The following MPP7 variants were observed in gnomAD, a reference collection of about 807,000 sequenced individuals.
MPP7 encodes MAGUK p55 scaffold protein 7, also known as MAGUK p55 subfamily member 7.
In MPP7, 60 loss-of-function variants were observed where a neutral mutation model predicts 76.5. The observed-to-expected ratio is 0.78, with a 90% CI of 0.64 to 0.97. The LOEUF is 0.97. Ranked by LOEUF, MPP7 falls within the 50% of genes least tolerant of loss-of-function variation. The probability of loss-of-function intolerance (pLI) is 0.00; values close to 1 mark genes in which losing one functional copy is unlikely to be tolerated. For synonymous variants in MPP7, 237 were observed against 244.5 expected (o/e 0.97, Z 0.29); for missense variants, 641 against 694.0 (o/e 0.92, Z 0.86).
At chr10:28,092,754 T>TTTTTTTC (rs1853377579) in intron 11 of MPP7, among the ~76,000 whole-genome samples, 2 of 147,868 alleles carry the variant, frequency 1.4e-5, no homozygotes, top group Non-Finnish European at 3.0e-5. Flanking sequence ...TTTTTTTTTT[T>TTTTTTTC]TTTTTTGAAG....
In MPP7 at chr10:28,259,031, G is replaced by A. The variant is rs576771192; in HGVS notation, c.-131-20296C>T. On this transcript the variant is annotated intron_variant, in intron 1 of 16. Transcript: ENST00000683449. ...AGGCTCAGGACTCAAACTTACAGGTGAAACTGCACCTCTAATGTAGACAGC... is the reference window on the plus strand; with the variant it reads ...AGGCTCAGGACTCAAACTTACAGGTAAAACTGCACCTCTAATGTAGACAGC... 3.3e-5 allele frequency among the ~76,000 whole-genome samples: 5 copies of A among 152,222 alleles called. 1 individual carries two copies. Among genetic ancestry groups the A allele is most frequent in the African/African-American group, 1.2e-4 (5 of 41,540 alleles).
chr10:28,155,420 A>G (rs964713655), intron 3 of MPP7, among the ~76,000 whole-genome samples: 1 of 151,858 alleles, frequency 6.6e-6, no homozygotes, highest in Non-Finnish European at 1.5e-5. Flanking sequence ...TGAAACCCCA[A>G]CTCTACAAAA....
intron 11 of MPP7, among the ~76,000 whole-genome samples, chr10:28,100,696 C>A (rs1208926551): frequency 6.6e-6 from 1 of 152,134 alleles, no homozygotes; most frequent in Non-Finnish European, 1.5e-5. Flanking sequence ...ATGCCATAAA[C>A]ACCCTTGAGT....
chr10:28,226,870 G>A (rs17831816), intron 2 of MPP7, among the ~76,000 whole-genome samples: 15,804 of 152,082 alleles, frequency 0.1, 1,284 homozygotes, highest in East Asian at 0.41. Context: ...AAGATTACTG[G>A]TAAAATTCCT....
intron 1 of MPP7, chr10:28,280,199 A>T (rs1289817229): frequency 1.3e-5 from 2 of 152,084 alleles, no homozygotes; most frequent in Admixed American, 1.3e-4. Context: ...TTGTTTTAGG[A>T]ACAATACGAT....
intron 11 of MPP7, among the ~76,000 whole-genome samples, chr10:28,091,034 C>A (rs139610675): frequency 6.6e-6 from 1 of 151,978 alleles, no homozygotes; most frequent in African/African-American, 2.4e-5. Flanking sequence ...GTAATCTCAG[C>A]TACTCGGGAG....
At chr10:28,271,916 A>C (rs1840338444) in intron 1 of MPP7, among the ~76,000 whole-genome samples, 1 of 152,182 alleles carries the variant, frequency 6.6e-6, no homozygotes, top group African/African-American at 2.4e-5. Flanking sequence ...CAGAGGTTGC[A>C]GTGAGCCGAG....
chr10:28,195,347 A>G (rs1406343401), intron 3 of MPP7, among the ~76,000 whole-genome samples: 3 of 152,204 alleles, frequency 2.0e-5, no homozygotes, highest in Admixed American at 2.0e-4. Flanking sequence ...GTCTTCATAA[A>G]AACTTAGAGC....
At chr10:28,192,339 T>C (rs1023621788) in intron 3 of MPP7, among the ~76,000 whole-genome samples, 2 of 152,134 alleles carry the variant, frequency 1.3e-5, no homozygotes, top group Non-Finnish European at 2.9e-5. Context: ...AACAAAACTG[T>C]CTTTGTTTAC....
chr10:28,053,877 C>T lies in MPP7; in HGVS notation c.*188G>A, dbSNP rs529344844. 16 of 605,840 alleles carry T rather than the reference C, an allele frequency of 2.6e-5. No homozygotes were observed. Among genetic ancestry groups the T allele is most frequent in the Admixed American group, 1.2e-4 (4 of 32,986 alleles). The allele number at this position is 605,840 out of a possible 1,614,324, so 37.5% of individuals were successfully genotyped here. A position where few individuals can be genotyped will look rare whatever the true frequency, so the allele number is the denominator to read the frequency against. On this transcript the variant is annotated 3_prime_UTR_variant, in exon 17 of 17. Coordinates refer to ENST00000683449, the MANE Select transcript of MPP7 (RefSeq NM_001318170.2). ...TACAGTACTGTGCATATTTTGATTT[C>T]GGATCTTATACTAACACATGGCGTT...
intron 3 of MPP7, 53 bp from the exon 4 acceptor site, chr10:28,150,112 T>C (rs1369530466): frequency 3.0e-5 from 37 of 1,237,862 alleles, no homozygotes; most frequent in Non-Finnish European, 2.1e-5. Context: ...CAATCTCAGA[T>C]AGCTGCACAT....
intron 11 of MPP7, among the ~76,000 whole-genome samples, chr10:28,104,791 C>T (rs1255745551): frequency 6.6e-6 from 1 of 151,966 alleles, no homozygotes; most frequent in Non-Finnish European, 1.5e-5. Context: ...TTCTCAGGTA[C>T]CCTCCTAGGT....
intron 3 of MPP7, among the ~76,000 whole-genome samples, chr10:28,151,243 T>TA (rs1460688314): frequency 6.6e-6 from 1 of 152,210 alleles, no homozygotes; most frequent in African/African-American, 2.4e-5. Flanking sequence ...TTTTGACACT[T>TA]ATGATATTAC....
At chr10:28,064,970 T>C (rs748587856) in intron 13 of MPP7, among the ~76,000 whole-genome samples, 4 of 152,150 alleles carry the variant, frequency 2.6e-5, no homozygotes, top group African/African-American at 9.7e-5. Flanking sequence ...TCCAAAAACA[T>C]GAGATATATT....
chr10:28,285,992 T>A (rs1840781957), intron 1 of MPP7, among the ~76,000 whole-genome samples: 1 of 152,218 alleles, frequency 6.6e-6, no homozygotes, highest in Admixed American at 6.6e-5. Context: ...TGTGCTTATT[T>A]ATTGTGTAAG....
chr10:28,252,090 A>G (rs1210855002), intron 1 of MPP7, among the ~76,000 whole-genome samples: 1 of 152,186 alleles, frequency 6.6e-6, no homozygotes, highest in Non-Finnish European at 1.5e-5. Context: ...TTACTGCCAA[A>G]ATCAATCTTT....
At chr10:28,272,716 T>C (rs2133041595) in intron 1 of MPP7, among the ~76,000 whole-genome samples, 1 of 152,212 alleles carries the variant, frequency 6.6e-6, no homozygotes, top group South Asian at 2.1e-4. Flanking sequence ...AAAAAATGTA[T>C]ATAAACTCTT....
At chr10:28,219,627 A>G (rs1838430201) in intron 2 of MPP7, among the ~76,000 whole-genome samples, 1 of 152,136 alleles carries the variant, frequency 6.6e-6, no homozygotes, top group African/African-American at 2.4e-5. Flanking sequence ...CATATGGAAA[A>G]AGACTTGAGG....
At chr10:28,067,760 CTT>C (rs1852048997) in intron 13 of MPP7, among the ~76,000 whole-genome samples, 1 of 152,100 alleles carries the variant, frequency 6.6e-6, no homozygotes, top group African/African-American at 2.4e-5. Context: ...TATTTCTCAT[CTT>C]CAAAAGAAGT....
Sources: allele counts gnomAD v4.1 joint callset (sites outside exome capture counted in the v4.1 genomes callset), GRCh38; gene constraint gnomAD v4.1.1; transcripts MANE v1.5; gene names NCBI Gene and HGNC (gene_info 2026-07-23, HGNC 2026-07-21).